WWP2: variants seen among roughly 807,000 people sequenced by gnomAD.
The protein encoded by WWP2 is WW domain containing E3 ubiquitin protein ligase 2, also known as NEDD4-like E3 ubiquitin-protein ligase WWP2.
WWP2 carries 57 observed loss-of-function variants against 121.0 expected under a neutral mutation model. That is an observed-to-expected ratio of 0.47 (90% confidence interval 0.38 to 0.59). The LOEUF is 0.59. Among genes scored for constraint, WWP2 ranks in the 20% least tolerant of loss-of-function variants. WWP2 has a pLI of 0.00. For missense variants in WWP2, 962 were observed against 1,158.9 expected (o/e 0.83, Z 2.47); for synonymous variants, 449 against 441.3 (o/e 1.02, Z -0.22).
At chr16:69,841,376 G>A (rs1274861890) in intron 5 of WWP2, among the ~76,000 whole-genome samples, 1 of 152,182 alleles carries the variant, frequency 6.6e-6, no homozygotes, top group Non-Finnish European at 1.5e-5. Context: ...CTTGGAGGAT[G>A]AGGAGTTTAG....
At chr16:69,798,623 AG>A in intron 2 of WWP2, 58 bp from the exon 3 acceptor site, 3 of 1,547,414 alleles carry the variant, frequency 1.9e-6, no homozygotes, top group East Asian at 2.3e-5. Flanking sequence ...CATCTGCCAC[AG>A]GGGGGCATCT....
intron 7 of WWP2, among the ~76,000 whole-genome samples, chr16:69,875,685 C>T (rs544470180): frequency 6.6e-6 from 1 of 152,246 alleles, no homozygotes; most frequent in Non-Finnish European, 1.5e-5. Context: ...ATCCATAAGA[C>T]ACAACTCCTA....
chr16:69,925,525 A>T lies in WWP2; in HGVS notation c.1234+41A>T. The T allele has an allele frequency of 6.2e-7, 1 of 1,610,628 alleles. No homozygotes were observed. The highest frequency in any genetic ancestry group is 8.5e-7 in the Non-Finnish European group (1 of 1,178,656). On this transcript the variant is annotated intron_variant, in intron 11 of 23. Coordinates refer to ENST00000359154, the MANE Select transcript of WWP2 (RefSeq NM_001270454.2). This position sits in a 1 kb window ranked among gnomAD's most constrained non-coding sequence, Gnocchi z 4.0. Reference sequence around the variant, plus strand: ...TCTTCCTGGCCCTTGGCCTTCCGTCAGCCACGGTGCTCTGTCCTCTCCTCC... The same window carrying T: ...TCTTCCTGGCCCTTGGCCTTCCGTCTGCCACGGTGCTCTGTCCTCTCCTCC...
At chr16:69,835,834 G>C (rs1161390115) in intron 4 of WWP2, among the ~76,000 whole-genome samples, 1 of 141,510 alleles carries the variant, frequency 7.1e-6, no homozygotes, top group African/African-American at 2.6e-5. Flanking sequence ...ACAGAGTCTT[G>C]CTCTGTTGCC....
At chr16:69,854,696 AC>A (rs1299581333) in intron 6 of WWP2, among the ~76,000 whole-genome samples, 1 of 152,006 alleles carries the variant, frequency 6.6e-6, no homozygotes, top group Non-Finnish European at 1.5e-5. Flanking sequence ...GACTACAGGC[AC>A]CTGCCACCAC....
At chr16:69,887,892 A>G in intron 7 of WWP2, 147 bp from the exon 8 acceptor site, 2 of 856,958 alleles carry the variant, frequency 2.3e-6, no homozygotes, top group Non-Finnish European at 3.6e-6. Context: ...TTTCAAAGTC[A>G]TGTTTTGTAA....
At chr16:69,829,424 C>T (rs1260070661) in intron 4 of WWP2, among the ~76,000 whole-genome samples, 1 of 152,162 alleles carries the variant, frequency 6.6e-6, no homozygotes, top group Non-Finnish European at 1.5e-5. Flanking sequence ...TTGCAATGTC[C>T]AGTGACCACT....
intron 1 of WWP2, among the ~76,000 whole-genome samples, chr16:69,763,589 C>T (rs574907425): frequency 6.6e-6 from 1 of 152,298 alleles, no homozygotes; most frequent in East Asian, 1.9e-4. Flanking sequence ...TTAGTTTTTG[C>T]AGCAGCGCCT....
chr16:69,846,660 G>A (rs1413283460), intron 6 of WWP2, among the ~76,000 whole-genome samples: 1 of 151,938 alleles, frequency 6.6e-6, no homozygotes, highest in East Asian at 1.9e-4. Context: ...GGTGGAGGTT[G>A]CAGTGAGCCG....
At chr16:69,835,526 G>C (rs1458995416) in intron 4 of WWP2, among the ~76,000 whole-genome samples, 1 of 152,202 alleles carries the variant, frequency 6.6e-6, no homozygotes, top group East Asian at 1.9e-4. Flanking sequence ...AGAATTGAAA[G>C]AGTGATACAG....
rs2057647235 is a variant in WWP2 at position 69,871,942 on chromosome 16, G to A, written c.703+11G>A. On this transcript the variant is annotated intron_variant, in intron 7 of 23. Transcript: ENST00000359154. ...TGGCCAATGGCACAGGTGAGTGATG[G>A]CACCGCACGCCAGCCTGCACTGAAG... is the stretch of plus-strand genomic sequence containing the variant. 1 of 1,610,782 alleles carries A rather than the reference G, an allele frequency of 6.2e-7. No individual in the cohort carries two copies. The highest frequency in any genetic ancestry group is 1.7e-5 in the Admixed American group (1 of 59,618).
Position 69,925,522 on chromosome 16 carries a change from G to C in WWP2, c.1234+38G>C. The C allele has an allele frequency of 6.2e-7, 1 of 1,610,120 alleles. No homozygotes were observed. Among genetic ancestry groups the C allele is most frequent in the African/African-American group, 1.3e-5 (1 of 74,692 alleles). ...TTCTCTTCCTGGCCCTTGGCCTTCC[G>C]TCAGCCACGGTGCTCTGTCCTCTCC... On this transcript the variant is annotated intron_variant, in intron 11 of 23. Transcript: ENST00000359154. This position sits in a 1 kb window ranked among gnomAD's most constrained non-coding sequence, Gnocchi z 4.0.
chr16:69,823,817 G>A (rs2056635445), intron 4 of WWP2, among the ~76,000 whole-genome samples: 1 of 152,232 alleles, frequency 6.6e-6, no homozygotes, highest in East Asian at 1.9e-4. Context: ...ACTTTTCTGC[G>A]AAATCAGGTT....
intron 4 of WWP2, among the ~76,000 whole-genome samples, chr16:69,828,682 G>A (rs1013225903): frequency 1.3e-5 from 2 of 152,016 alleles, no homozygotes; most frequent in Non-Finnish European, 2.9e-5. Context: ...TATATTTTTA[G>A]TAGAAATAGG....
chr16:69,784,091 C>CTTTTTTTTTT (rs61650147), intron 1 of WWP2, among the ~76,000 whole-genome samples: 7 of 60,874 alleles, frequency 1.1e-4, no homozygotes, highest in African/African-American at 2.0e-4. Flanking sequence ...TTCTTTCTTT[C>CTTTTTTTTTT]TTTTTTTTTT....
chr16:69,838,224 C>T (rs1407448799), intron 4 of WWP2, among the ~76,000 whole-genome samples: 1 of 152,048 alleles, frequency 6.6e-6, no homozygotes, highest in Non-Finnish European at 1.5e-5. Context: ...CAAGAGTCCT[C>T]TGAAAAAGGT....
In WWP2 at chr16:69,805,185, G is replaced by A. The variant is rs532506726; in HGVS notation, c.340+5890G>A. Among the ~76,000 whole-genome samples, 70 of 151,970 alleles carry A rather than the reference G, an allele frequency of 4.6e-4. 1 individual carries two copies. The highest frequency in any genetic ancestry group is 1.4e-3 in the African/African-American group (58 of 41,470). On this transcript the variant is annotated intron_variant, in intron 4 of 23. Transcript: ENST00000359154. The stretch of plus-strand genomic sequence containing the variant: ...CTACTGAGTAGCTGGGATTACAGGC[G>A]CCCAACACCATGCCTAATTTTTGTA...
rs200119284 is a variant in WWP2, at chr16:69,935,870, G to T, written c.1860G>T (p.Lys620Asn). 227 of 1,613,652 alleles carry T rather than the reference G, an allele frequency of 1.4e-4. 1 individual carries two copies. Among genetic ancestry groups the T allele is most frequent in the Non-Finnish European group, 1.8e-4 (207 of 1,179,890 alleles). ...CTTCCCAGGCGCTGTACCATGGAAA[G>T]TTCATCGACACGGGCTTCACCCTCC... ...RFIAMALYHG[K>N]FIDTGFTLPF... Residue 620 changes from lysine to asparagine, a missense_variant, in exon 18 of 24, where the codon AAG becomes AAT. Coordinates refer to ENST00000359154, the MANE Select transcript of WWP2 (RefSeq NM_001270454.2). This position sits in a 1 kb window ranked among gnomAD's most constrained non-coding sequence, Gnocchi z 5.2.
intron 1 of WWP2, among the ~76,000 whole-genome samples, chr16:69,766,780 GTGT>G (rs1444208339): frequency 6.6e-6 from 1 of 152,090 alleles, no homozygotes; most frequent in Admixed American, 6.6e-5. Flanking sequence ...TATTTTTGGA[GTGT>G]TGTTCTGTTG....
Sources: allele counts gnomAD v4.1 joint callset (sites outside exome capture counted in the v4.1 genomes callset), GRCh38; gene constraint gnomAD v4.1.1; non-coding constraint Gnocchi (gnomAD v3.1); transcripts MANE v1.5; gene names NCBI Gene and HGNC (gene_info 2026-07-23, HGNC 2026-07-21).